The following MAPKAPK3 variants were observed in gnomAD, a reference collection of about 807,000 sequenced individuals.
The protein encoded by MAPKAPK3 is MAPK activated protein kinase 3.
MAPKAPK3 carries 35 observed loss-of-function variants against 49.2 expected under a neutral mutation model. The ratio of observed to expected loss-of-function variants is 0.71; its 90% confidence interval spans 0.54 to 0.94. The LOEUF (loss-of-function observed/expected upper bound fraction) is 0.94. Among genes scored for constraint, MAPKAPK3 ranks in the 40% least tolerant of loss-of-function variants. The probability of loss-of-function intolerance (pLI) is 0.00; values close to 1 mark genes in which losing one functional copy is unlikely to be tolerated. For missense variants in MAPKAPK3, 398 were observed against 493.1 expected, an observed-to-expected ratio of 0.81 and a Z score of 1.83; for synonymous variants, 178 against 188.7, an observed-to-expected ratio of 0.94 and a Z score of 0.46.
intron 2 of MAPKAPK3, among the ~76,000 whole-genome samples, chr3:50,624,147 T>C (rs1460874168): frequency 1.3e-5 from 2 of 152,228 alleles, no homozygotes; most frequent in African/African-American, 4.8e-5. Context: ...AAACTGTATC[T>C]GGGCTGGGCC....
intron 2 of MAPKAPK3, among the ~76,000 whole-genome samples, chr3:50,629,509 C>T (rs1220108868): frequency 6.6e-6 from 1 of 152,130 alleles, no homozygotes; most frequent in Non-Finnish European, 1.5e-5. Flanking sequence ...TTGTGGCTCC[C>T]TGGGAACAGG....
chr3:50,648,256 A>G lies in MAPKAPK3; in HGVS notation c.*210A>G. The stretch of plus-strand genomic sequence containing the variant: ...CCAGGCTCAAGCCCTAGAGATGGGC[A>G]GGGCCTAGGGGCTGGGAGCTGCCTG... On this transcript the variant is annotated 3_prime_UTR_variant, in exon 11 of 11. Transcript: ENST00000621469. 1.8e-6 allele frequency: 1 copy of G among 567,530 alleles called. No homozygotes were observed. Among genetic ancestry groups the G allele is most frequent in the South Asian group, 2.3e-5 (1 of 43,388 alleles). The allele number at this position is 567,530 out of a possible 1,614,324, so 35.2% of individuals were successfully genotyped here.
chr3:50,618,726 T>A (rs2032534856), intron 2 of MAPKAPK3, among the ~76,000 whole-genome samples: 3 of 152,176 alleles, frequency 2.0e-5, no homozygotes, highest in Admixed American at 2.0e-4. Context: ...AGTCTCACTC[T>A]GTCGCCAGGC....
chr3:50,648,921 T>C lies in MAPKAPK3; in HGVS notation c.*875T>C, dbSNP rs1239803065. On this transcript the variant is annotated 3_prime_UTR_variant, in exon 11 of 11. Transcript: ENST00000621469. ...TGAAGTCAGGGGCTATCTTTTGGTA[T>C]ACTTGTGTGAAAGTGGCTGGTTGGG... The C allele has an allele frequency of 1.3e-5, 2 of 152,302 alleles. No individual in the cohort carries two copies. The highest frequency in any genetic ancestry group is 2.9e-5 in the Non-Finnish European group (2 of 68,066). The allele number at this position is 152,302 out of a possible 1,614,324, so 9.4% of individuals were successfully genotyped here.
chr3:50,612,359 G>C (rs1013743283), upstream of MAPKAPK3: 1 of 152,230 alleles, frequency 6.6e-6, no homozygotes, highest in East Asian at 1.9e-4. Context: ...GTGTTGGGAC[G>C]GCCGCTCCTG....
At chr3:50,623,921 C>T (rs1436426954) in intron 2 of MAPKAPK3, among the ~76,000 whole-genome samples, 1 of 152,250 alleles carries the variant, frequency 6.6e-6, no homozygotes, top group Non-Finnish European at 1.5e-5. Flanking sequence ...TGTCTACCTA[C>T]ATCTGCTCAG....
At chr3:50,634,209 T>C (rs925195581) in intron 2 of MAPKAPK3, among the ~76,000 whole-genome samples, 1 of 152,204 alleles carries the variant, frequency 6.6e-6, no homozygotes, top group Non-Finnish European at 1.5e-5. Context: ...TGAGCTTCAG[T>C]GGGGACCCAC....
chr3:50,615,220 T>A (rs1375432284), upstream of MAPKAPK3, among the ~76,000 whole-genome samples: 2 of 149,282 alleles, frequency 1.3e-5, no homozygotes, highest in East Asian at 1.9e-4. Flanking sequence ...AGATTCCAGA[T>A]CATAGGGCTT....
Position 50,645,752 on chromosome 3 carries a change from A to G in MAPKAPK3, c.671A>G (p.Asp224Gly), listed in dbSNP as rs1207253573. The G allele has an allele frequency of 1.2e-5, 20 of 1,613,946 alleles. No individual in the cohort carries two copies. The highest frequency in any genetic ancestry group is 1.5e-5 in the Non-Finnish European group (18 of 1,179,996). Residue 224 changes from aspartate to glycine, a missense_variant, in exon 7 of 11, where the codon GAC (aspartate) becomes GGC (glycine). Asp to Gly is a moderately conservative substitution (Grantham distance 94). Around this residue, in one of 5 missense-constraint regions of MAPKAPK3, gnomAD observed 30 missense variants for 70.5 expected, o/e 0.43. Transcript: ENST00000621469. ...LGPEKYDKSC[D>G]MWSLGVIMYI... Reference sequence around the variant, plus strand: ...CCAGAGAAGTATGACAAGTCATGTGACATGTGGTCCCTGGGTGTCATCATG... The same window carrying G: ...CCAGAGAAGTATGACAAGTCATGTGGCATGTGGTCCCTGGGTGTCATCATG...
At chr3:50,634,383 A>T (rs1381000862) in intron 2 of MAPKAPK3, among the ~76,000 whole-genome samples, 2 of 146,900 alleles carry the variant, frequency 1.4e-5, no homozygotes, top group African/African-American at 5.1e-5. Context: ...GCCATCACAG[A>T]CCCTCCAGTT....
rs549386608 is a variant in MAPKAPK3 at position 50,618,387 on chromosome 3, C to G, written c.219+603C>G. Among the ~76,000 whole-genome samples, 20 of 152,316 alleles carry G rather than the reference C, an allele frequency of 1.3e-4. No individual in the cohort carries two copies. In the East Asian group the frequency reaches 3.7e-3, roughly 28 times the overall value. Reference sequence around the variant, plus strand: ...GGGACAGGCCCTGGGCCAACCCACCCCTGGTTCCTGGGCAGAGGGCGGGCC... The same window carrying G: ...GGGACAGGCCCTGGGCCAACCCACCGCTGGTTCCTGGGCAGAGGGCGGGCC... On this transcript the variant is annotated intron_variant, in intron 2 of 10. Coordinates refer to ENST00000621469, the MANE Select transcript of MAPKAPK3 (RefSeq NM_001243925.2).
intron 3 of MAPKAPK3, among the ~76,000 whole-genome samples, chr3:50,641,307 T>A (rs1346449658): frequency 6.6e-6 from 1 of 152,130 alleles, no homozygotes; most frequent in Non-Finnish European, 1.5e-5. Context: ...GAAACGTGGA[T>A]CCCAGGGCAT....
upstream of MAPKAPK3, among the ~76,000 whole-genome samples, chr3:50,616,228 G>A (rs1171091742): frequency 2.0e-5 from 3 of 152,112 alleles, no homozygotes; most frequent in Non-Finnish European, 4.4e-5. Context: ...ATGTGCGCAA[G>A]TAGTTCAGAT....
intron 2 of MAPKAPK3, among the ~76,000 whole-genome samples, chr3:50,628,432 G>C (rs572678831): frequency 6.6e-6 from 1 of 152,350 alleles, no homozygotes; most frequent in East Asian, 1.9e-4. Flanking sequence ...CAAAACACTT[G>C]TGTTTGCTAA....
chr3:50,643,674 C>G (rs1576014455), intron 5 of MAPKAPK3, among the ~76,000 whole-genome samples: 1 of 152,146 alleles, frequency 6.6e-6, no homozygotes, highest in East Asian at 1.9e-4. Context: ...AACTGCTTCT[C>G]TGTTTTTATC....
intron 2 of MAPKAPK3, among the ~76,000 whole-genome samples, chr3:50,637,630 T>C (rs1444912663): frequency 3.2e-4 from 39 of 121,212 alleles, no homozygotes; most frequent in African/African-American, 1.2e-3. Flanking sequence ...AGACTCTGTC[T>C]CAAAAAAAAA....
intron 2 of MAPKAPK3, among the ~76,000 whole-genome samples, chr3:50,639,813 C>A (rs1024634741): frequency 6.6e-6 from 1 of 152,178 alleles, no homozygotes; most frequent in Admixed American, 6.5e-5. Context: ...CCCAGCCTTT[C>A]CCCAGCACCT....
Position 50,640,482 on chromosome 3 carries a change from C to CT in MAPKAPK3, c.337dup (p.Cys113LeufsTer13). 6.2e-7 allele frequency: 1 copy of CT among 1,613,536 alleles called. No individual in the cohort carries two copies. Among genetic ancestry groups the CT allele is most frequent in the Non-Finnish European group, 8.5e-7 (1 of 1,179,558 alleles). On this transcript the variant is annotated frameshift_variant, in exon 3 of 11. Transcript: ENST00000621469. LOFTEE classifies it high-confidence loss of function. Reference sequence around the variant, plus strand: ...ATGAGAACATGCACCATGGCAAGCGCTGTCTCCTCATCATCATGGAATGGT... The same window carrying CT: ...ATGAGAACATGCACCATGGCAAGCGCTTGTCTCCTCATCATCATGGAATGGT...
intron 2 of MAPKAPK3, among the ~76,000 whole-genome samples, chr3:50,623,397 C>T (rs1023372411): frequency 1.1e-4 from 17 of 152,160 alleles, no homozygotes; most frequent in Non-Finnish European, 2.1e-4. Flanking sequence ...TGGTTCGTAC[C>T]GTGCCTGGCT....
Sources: allele counts gnomAD v4.1 joint callset (sites outside exome capture counted in the v4.1 genomes callset), GRCh38; gene constraint gnomAD v4.1.1; regional missense constraint gnomAD v4.1.1; transcripts MANE v1.5; gene names NCBI Gene and HGNC (gene_info 2026-07-23, HGNC 2026-07-21).